Variants in PCSK5 observed in about 807,000 individuals in gnomAD.
The protein encoded by PCSK5 is proprotein convertase subtilisin/kexin type 5.
In PCSK5, 129 loss-of-function variants were observed where a neutral mutation model predicts 233.2. The ratio of observed to expected loss-of-function variants is 0.55; its 90% CI spans 0.48 to 0.64. The LOEUF is 0.64. PCSK5 is among the 30% of genes least tolerant of loss of function. The probability of loss-of-function intolerance (pLI) is 0.00; values close to 1 mark genes in which losing one functional copy is unlikely to be tolerated. For synonymous variants in PCSK5, 825 were observed against 879.2 expected, an observed-to-expected ratio of 0.94 and a Z score of 1.09; for missense variants, 2,076 against 2,430.1, an observed-to-expected ratio of 0.85 and a Z score of 3.06.
At chr9:76,285,372 G>C (rs1564156367) in intron 24 of PCSK5, among the ~76,000 whole-genome samples, 2 of 152,210 alleles carry the variant, frequency 1.3e-5, no homozygotes, top group Non-Finnish European at 2.9e-5. Flanking sequence ...GCCTAAGAGA[G>C]TCAAAGTGGA....
intron 34 of PCSK5, among the ~76,000 whole-genome samples, chr9:76,335,826 TA>T (rs1347132262): frequency 6.6e-6 from 1 of 152,232 alleles, no homozygotes; most frequent in Non-Finnish European, 1.5e-5. Flanking sequence ...AATATATCTT[TA>T]CATTATGATT....
At chr9:76,239,199 G>C in intron 23 of PCSK5, 34 bp downstream of exon 23, 1 of 1,509,140 alleles carries the variant, frequency 6.6e-7, no homozygotes, top group Non-Finnish European at 9.0e-7. Flanking sequence ...CCCAGCACCC[G>C]AACATGGGAG....
chr9:76,315,440 T>C (rs1352153378), intron 30 of PCSK5, among the ~76,000 whole-genome samples: 2 of 152,210 alleles, frequency 1.3e-5, no homozygotes, highest in African/African-American at 4.8e-5. Flanking sequence ...TCACAGGACA[T>C]GGATTTATCT....
At chr9:76,302,264 T>A in intron 28 of PCSK5, 47 bp downstream of exon 28, 1 of 889,052 alleles carries the variant, frequency 1.1e-6, no homozygotes, top group Non-Finnish European at 1.6e-6. Context: ...AGAGACTATC[T>A]CTGGAGATGG....
intron 2 of PCSK5, among the ~76,000 whole-genome samples, chr9:75,966,682 T>C (rs1484758056): frequency 6.6e-6 from 1 of 152,200 alleles, no homozygotes; most frequent in Non-Finnish European, 1.5e-5. Flanking sequence ...GGAAGGGTGG[T>C]AGTGGAATTG....
chr9:76,007,457 AAG>A (rs1172997814), intron 3 of PCSK5, among the ~76,000 whole-genome samples: 2 of 114,622 alleles, frequency 1.7e-5, no homozygotes, highest in Non-Finnish European at 4.0e-5. Context: ...TGTGTGTAGA[AAG>A]AGGTGGGAAT....
chr9:76,011,703 GTGTTT>G (rs983152368), intron 3 of PCSK5, among the ~76,000 whole-genome samples: 3 of 152,128 alleles, frequency 2.0e-5, no homozygotes, highest in Admixed American at 6.6e-5. Flanking sequence ...ATGTGGAAAT[GTGTTT>G]TGTTTTGTTT....
chr9:76,292,156 G>A (rs1828296346), intron 24 of PCSK5, 77 bp from the exon 25 acceptor site: 12 of 825,146 alleles, frequency 1.5e-5, no homozygotes, highest in South Asian at 5.6e-5. Flanking sequence ...TTTATCTCAA[G>A]CTACAGCTTT....
chr9:75,907,280 G>A (rs1296979870), intron 1 of PCSK5, among the ~76,000 whole-genome samples: 1 of 151,632 alleles, frequency 6.6e-6, no homozygotes, highest in Admixed American at 6.6e-5. Context: ...ATTAAATATT[G>A]GTTGAATTCT....
intron 1 of PCSK5, among the ~76,000 whole-genome samples, chr9:75,915,703 C>T (rs1043078961): frequency 6.6e-6 from 1 of 152,156 alleles, no homozygotes; most frequent in Non-Finnish European, 1.5e-5. Flanking sequence ...CTGATTAAAG[C>T]TTAATATATA....
intron 24 of PCSK5, among the ~76,000 whole-genome samples, chr9:76,269,445 A>G (rs1172859431): frequency 6.6e-6 from 1 of 152,334 alleles, no homozygotes; most frequent in Non-Finnish European, 1.5e-5. Context: ...AGCAGGTCCA[A>G]GTGTTACTAG....
chr9:76,257,029 A>G (rs955657368), intron 24 of PCSK5, among the ~76,000 whole-genome samples: 3 of 152,220 alleles, frequency 2.0e-5, no homozygotes, highest in Admixed American at 6.5e-5. Context: ...TGTGAATATC[A>G]AAACAGAATT....
At chr9:76,312,923 T>C (rs952266327) in intron 30 of PCSK5, among the ~76,000 whole-genome samples, 3 of 152,192 alleles carry the variant, frequency 2.0e-5, no homozygotes, top group African/African-American at 4.8e-5. Flanking sequence ...GAGGTTTACA[T>C]CAGTCAATGT....
chr9:75,904,300 T>C (rs1054504047), intron 1 of PCSK5, among the ~76,000 whole-genome samples: 5 of 152,212 alleles, frequency 3.3e-5, no homozygotes, highest in Admixed American at 6.5e-5. Context: ...TTCTATTCAT[T>C]GTTTTATTTA....
intron 24 of PCSK5, among the ~76,000 whole-genome samples, chr9:76,272,441 GC>G (rs1447057745): frequency 1.3e-5 from 2 of 151,924 alleles, no homozygotes; most frequent in Non-Finnish European, 2.9e-5. Flanking sequence ...GGTGACAACT[GC>G]CTACAAATCT....
intron 9 of PCSK5, among the ~76,000 whole-genome samples, chr9:76,116,377 G>C (rs990148944): frequency 4.6e-5 from 7 of 152,070 alleles, no homozygotes; most frequent in Non-Finnish European, 4.4e-5. Flanking sequence ...TATTGAGTAA[G>C]CACCATATGT....
chr9:75,970,750 T>C (rs1041798640), intron 2 of PCSK5, among the ~76,000 whole-genome samples: 5 of 151,900 alleles, frequency 3.3e-5, no homozygotes, highest in Non-Finnish European at 7.4e-5. Context: ...GCCTCCCGAG[T>C]AGCTGGGACT....
At chr9:76,111,153 C>T (rs1170947048) in intron 9 of PCSK5, among the ~76,000 whole-genome samples, 1 of 152,054 alleles carries the variant, frequency 6.6e-6, no homozygotes, top group African/African-American at 2.4e-5. Context: ...AATAACTTTG[C>T]TGTAACAGCT....
At position 76,273,564 on chromosome 9, in the gene PCSK5, A is replaced by AATATATAT. The variant is rs1336491411; in HGVS notation, c.3143-18665_3143-18658dup. The stretch of plus-strand genomic sequence containing the variant: ...TCTTCTTATAGATTAACAAAATAGT[A>AATATATAT]ATATATATATACATATATATATATA... On this transcript the variant is annotated intron_variant, in intron 24 of 37. Transcript: ENST00000674117. Among the ~76,000 whole-genome samples the AATATATAT allele has an allele frequency of 8.0e-3, 595 of 74,770 alleles. 7 individuals carry two copies. The highest frequency in any genetic ancestry group is 0.019 in the African/African-American group (370 of 19,730). 49.1% of individuals were successfully genotyped at this position (74,770 alleles called of 152,430 possible).
Sources: allele counts gnomAD v4.1 joint callset (sites outside exome capture counted in the v4.1 genomes callset), GRCh38; gene constraint gnomAD v4.1.1; transcripts MANE v1.5; gene names NCBI Gene and HGNC (gene_info 2026-07-23, HGNC 2026-07-21).